CAMTA1: variants seen among roughly 807,000 people sequenced by gnomAD.
The protein encoded by CAMTA1 is calmodulin binding transcription activator 1.
A neutral mutation model predicts 170.9 loss-of-function variants in CAMTA1; 27 were observed. The ratio of observed to expected loss-of-function variants is 0.16; its 90% CI spans 0.12 to 0.22. The LOEUF is 0.22. Among genes scored for constraint, CAMTA1 ranks in the 10% least tolerant of loss-of-function variants. CAMTA1 has a pLI of 1.00. For missense variants in CAMTA1, 1,619 were observed against 2,217.2 expected, an observed-to-expected ratio of 0.73 and a Z score of 5.42; for synonymous variants, 833 against 891.5, an observed-to-expected ratio of 0.93 and a Z score of 1.17.
At chr1:6,880,464 A>C (rs1356840981) in intron 3 of CAMTA1, among the ~76,000 whole-genome samples, 1 of 133,324 alleles carries the variant, frequency 7.5e-6, no homozygotes, top group Non-Finnish European at 1.5e-5. Context: ...GTCTTAGCTC[A>C]TGGCAACCTC....
intron 4 of CAMTA1, among the ~76,000 whole-genome samples, chr1:7,097,081 C>T (rs1429150154): frequency 6.6e-6 from 1 of 152,222 alleles, no homozygotes; most frequent in Non-Finnish European, 1.5e-5. Context: ...TCTGCCTCTT[C>T]CTGGGAGCCT....
At chr1:7,361,035 A>G (rs1429434714) in intron 5 of CAMTA1, among the ~76,000 whole-genome samples, 1 of 151,972 alleles carries the variant, frequency 6.6e-6, no homozygotes, top group Non-Finnish European at 1.5e-5. Flanking sequence ...GTTGTTCTGG[A>G]TGTTTCTTCC....
intron 3 of CAMTA1, among the ~76,000 whole-genome samples, chr1:7,072,274 C>G (rs910761552): frequency 6.6e-6 from 1 of 152,144 alleles, no homozygotes. Context: ...CTATTTCTGA[C>G]TTTTGAGGTT....
At chr1:7,679,277 T>C (rs952862810) in intron 11 of CAMTA1, among the ~76,000 whole-genome samples, 1 of 152,158 alleles carries the variant, frequency 6.6e-6, no homozygotes, top group Non-Finnish European at 1.5e-5. Context: ...CCGGCCTCAC[T>C]AGAATGAACC....
At chr1:7,577,484 C>T in intron 6 of CAMTA1, among the ~76,000 whole-genome samples, 1 of 152,124 alleles carries the variant, frequency 6.6e-6, no homozygotes, top group South Asian at 2.1e-4. Context: ...TGACCATTCT[C>T]ACTCACCAGC....
At chr1:6,822,794 CCA>C (rs3061932) in intron 2 of CAMTA1, among the ~76,000 whole-genome samples, 18,620 of 146,084 alleles carry the variant, frequency 0.13, 1,206 homozygotes, top group African/African-American at 0.18. Flanking sequence ...TACATAAATA[CCA>C]CACACACACA....
At chr1:7,212,531 A>T (rs1658966230) in intron 4 of CAMTA1, among the ~76,000 whole-genome samples, 1 of 152,090 alleles carries the variant, frequency 6.6e-6, no homozygotes, top group African/African-American at 2.4e-5. Flanking sequence ...CATTTTTTTA[A>T]ATTAAACTTT....
intron 5 of CAMTA1, among the ~76,000 whole-genome samples, chr1:7,398,193 C>CTCTCTA (rs1557651862): frequency 1.8e-4 from 3 of 16,894 alleles, no homozygotes; most frequent in Non-Finnish European, 2.2e-4. Context: ...CTCTCTCTCT[C>CTCTCTA]TATATATATA....
At chr1:7,413,705 A>G (rs2090960178) in intron 5 of CAMTA1, among the ~76,000 whole-genome samples, 1 of 152,084 alleles carries the variant, frequency 6.6e-6, no homozygotes, top group African/African-American at 2.4e-5. Flanking sequence ...TCTGCAAACA[A>G]GGACAATTTG....
intron 5 of CAMTA1, among the ~76,000 whole-genome samples, chr1:7,321,791 C>T (rs1678456314): frequency 6.6e-6 from 1 of 152,116 alleles, no homozygotes; most frequent in Non-Finnish European, 1.5e-5. Context: ...CAGAGTCCAT[C>T]CCCCTTTATC....
chr1:7,257,784 G>A (rs1256617550), intron 5 of CAMTA1, among the ~76,000 whole-genome samples: 1 of 152,034 alleles, frequency 6.6e-6, no homozygotes, highest in East Asian at 1.9e-4. Context: ...CAGTTTGCTG[G>A]GCATCATGTA....
intron 11 of CAMTA1, among the ~76,000 whole-genome samples, chr1:7,710,482 C>T (rs1218945849): frequency 6.6e-6 from 1 of 151,652 alleles, no homozygotes; most frequent in Non-Finnish European, 1.5e-5. Context: ...CACCTATAGT[C>T]CCAGCTACTC....
Position 7,590,323 on chromosome 1 carries a change from T to C in CAMTA1, c.511-50077T>C, listed in dbSNP as rs142061977. On this transcript the variant is annotated intron_variant, in intron 6 of 22. Transcript: ENST00000303635. ...GCAGTGAGATAAAGGGAAGGAAAAT[T>C]TCAGGCAGATAGAGCAGCACATTCC... Among the ~76,000 whole-genome samples the C allele has an allele frequency of 3.7e-3, 562 of 152,186 alleles. 2 individuals carry two copies. The highest frequency in any genetic ancestry group is 0.012 in the African/African-American group (508 of 41,516).
rs1348566851 is a variant in CAMTA1, at chr1:7,534,214, C to G, written c.510+66313C>G. On this transcript the variant is annotated intron_variant, in intron 6 of 22. Coordinates refer to ENST00000303635, the MANE Select transcript of CAMTA1 (RefSeq NM_015215.4). The surrounding 1 kb of genome is among the most constrained non-coding windows in gnomAD (Gnocchi z 5.6). ...TTTTAATTGCCTGAAGGAAGAAATC[C>G]ATTAGTCTTTCCTTTCCGTGAGAAA... is the stretch of plus-strand genomic sequence containing the variant. Among the ~76,000 whole-genome samples the G allele has an allele frequency of 6.6e-6, 1 of 152,174 alleles. No homozygotes were observed. Among genetic ancestry groups the G allele is most frequent in the Non-Finnish European group, 1.5e-5 (1 of 68,034 alleles).
intron 5 of CAMTA1, among the ~76,000 whole-genome samples, chr1:7,310,647 T>TC (rs61161982): frequency 0.45 from 21,769 of 48,174 alleles, 5,026 homozygotes; most frequent in Middle Eastern, 0.53. Flanking sequence ...TTTCTTTCTT[T>TC]TTTCTTTCTT....
intron 3 of CAMTA1, among the ~76,000 whole-genome samples, chr1:7,066,469 T>C (rs1708977793): frequency 6.6e-6 from 1 of 152,240 alleles, no homozygotes; most frequent in Non-Finnish European, 1.5e-5. Context: ...AGAAAATCTA[T>C]AGATCAGATT....
chr1:6,943,074 C>T (rs529379081), intron 3 of CAMTA1, among the ~76,000 whole-genome samples: 129 of 152,242 alleles, frequency 8.5e-4, no homozygotes, highest in Middle Eastern at 3.4e-3. Context: ...TGCTCAAGGT[C>T]ACCAGCAACC....
At chr1:7,271,265 G>T (rs1296105681) in intron 5 of CAMTA1, among the ~76,000 whole-genome samples, 1 of 152,154 alleles carries the variant, frequency 6.6e-6, no homozygotes, top group Non-Finnish European at 1.5e-5. Context: ...GATGTAACAA[G>T]AAGCTCGCCA....
chr1:7,464,290 G>C (rs1477153748), intron 5 of CAMTA1, among the ~76,000 whole-genome samples: 1 of 152,176 alleles, frequency 6.6e-6, no homozygotes, highest in African/African-American at 2.4e-5. Flanking sequence ...CCGGAATGTG[G>C]CTCCCTGCAG....
Sources: allele counts gnomAD v4.1 joint callset (sites outside exome capture counted in the v4.1 genomes callset), GRCh38; gene constraint gnomAD v4.1.1; non-coding constraint Gnocchi (gnomAD v3.1); transcripts MANE v1.5; gene names NCBI Gene and HGNC (gene_info 2026-07-23, HGNC 2026-07-21).